The following TBC1D13 variants were observed in gnomAD, a reference collection of about 807,000 sequenced individuals.
TBC1D13 encodes TBC1 domain family member 13.
Under a neutral mutation model 53.6 loss-of-function variants are expected in TBC1D13, and 40 were observed. The observed-to-expected ratio is 0.75, with a 90% CI of 0.58 to 0.97. TBC1D13 has a LOEUF of 0.97. Ranked by LOEUF, TBC1D13 falls within the 50% of genes least tolerant of loss-of-function variation. The pLI, the probability that TBC1D13 is intolerant of heterozygous loss-of-function variation, is 0.00. For missense variants in TBC1D13, 377 were observed against 499.4 expected (o/e 0.75, Z 2.34); for synonymous variants, 182 against 197.7 (o/e 0.92, Z 0.67).
chr9:128,791,164 A>T (rs1321369371), intron 3 of TBC1D13, among the ~76,000 whole-genome samples: 3 of 152,104 alleles, frequency 2.0e-5, no homozygotes, highest in Non-Finnish European at 2.9e-5. Context: ...TGTGAGGAAA[A>T]GCAGAGGGAA....
intron 6 of TBC1D13, among the ~76,000 whole-genome samples, chr9:128,795,794 T>A (rs911754080): frequency 1.1e-4 from 16 of 151,928 alleles, no homozygotes; most frequent in African/African-American, 3.9e-4. Flanking sequence ...GGTCTCCTTT[T>A]GTTGCCCAGG....
At chr9:128,797,665 T>C (rs1829660145) in intron 7 of TBC1D13, among the ~76,000 whole-genome samples, 1 of 152,030 alleles carries the variant, frequency 6.6e-6, no homozygotes, top group African/African-American at 2.4e-5. Context: ...TAGCTGGGCA[T>C]GATGGCATGT....
At chr9:128,791,756 C>CA in intron 5 of TBC1D13, 63 bp downstream of exon 5, 7 of 1,445,480 alleles carry the variant, frequency 4.8e-6, no homozygotes, top group Non-Finnish European at 6.8e-6. Context: ...GGCCTTGGAG[C>CA]AGGCAAGGGC....
chr9:128,800,606 A>C (rs1372436419), intron 7 of TBC1D13, among the ~76,000 whole-genome samples: 1 of 151,600 alleles, frequency 6.6e-6, no homozygotes, highest in Non-Finnish European at 1.5e-5. Context: ...TGATCCACCC[A>C]CCTCAGTTTC....
At chr9:128,804,145 G>A (rs2132551574) in intron 9 of TBC1D13, 26 bp downstream of exon 9, 2 of 1,610,958 alleles carry the variant, frequency 1.2e-6, no homozygotes, top group East Asian at 4.5e-5. Context: ...ACAGACGGGT[G>A]GAAAGGGACA....
chr9:128,787,480 C>A, intron 1 of TBC1D13, 104 bp downstream of exon 1: 2 of 1,165,684 alleles, frequency 1.7e-6, no homozygotes, highest in Non-Finnish European at 2.2e-6. Context: ...ATCGGCAGAC[C>A]CCCTCGGCAG....
At position 128,798,405 on chromosome 9, in the gene TBC1D13, C is replaced by G. The variant is rs146613763; in HGVS notation, c.543+1191C>G. ...GAAGAGGTTGGTGCTGGTAAGGCCA[C>G]TTGGGGCCTTTGTCATGAGGGGTGG... On this transcript the variant is annotated intron_variant, in intron 7 of 11. Transcript: ENST00000372648. 6.0e-4 allele frequency among the ~76,000 whole-genome samples: 92 copies of G among 152,174 alleles called. 1 individual carries two copies. The highest frequency in any genetic ancestry group is 2.2e-3 in the African/African-American group (91 of 41,516).
intron 7 of TBC1D13, among the ~76,000 whole-genome samples, chr9:128,799,230 G>C (rs947114438): frequency 6.6e-6 from 1 of 152,150 alleles, no homozygotes; most frequent in African/African-American, 2.4e-5. Flanking sequence ...TCCTTTCACT[G>C]TAGTAACTAG....
rs140352913 is a variant in TBC1D13 at position 128,790,751 on chromosome 9, C to T, written c.114C>T (p.Gly38=). 60 of 1,551,330 alleles carry T rather than the reference C, an allele frequency of 3.9e-5. No homozygotes were observed. The East Asian group carries it at 8.7e-4, about 23-fold the overall frequency. Reference sequence around the variant, plus strand: ...TGTCCACAGGCATCCCCTGTGAGGGCGGACTGCGGTGCCTCTGCTGGAAGG... The same window carrying T: ...TGTCCACAGGCATCCCCTGTGAGGGTGGACTGCGGTGCCTCTGCTGGAAGG... The part of the protein sequence containing the change: ...ELSFSGIPCE[G]GLRCLCWKIL... The change falls in exon 3 of 12, where the codon GGC becomes GGT. Residue 38 remains glycine (G), a synonymous_variant. Transcript: ENST00000372648.
In TBC1D13 at chr9:128,801,120, C is replaced by T. The variant is rs561028091; in HGVS notation, c.544-2130C>T. 1.5e-4 allele frequency among the ~76,000 whole-genome samples: 23 copies of T among 152,120 alleles called. 1 individual carries two copies. Among genetic ancestry groups the T allele is most frequent in the African/African-American group, 5.1e-4 (21 of 41,522 alleles). ...CCTAGGAGACAGAGTTGCAGTGAGC[C>T]AAGATCACTCCATTGCACTCCAGCC... On this transcript the variant is annotated intron_variant, in intron 7 of 11. Coordinates refer to ENST00000372648, the MANE Select transcript of TBC1D13 (RefSeq NM_018201.5).
chr9:128,790,816 C>A, intron 3 of TBC1D13, 41 bp downstream of exon 3: 1 of 1,552,008 alleles, frequency 6.4e-7, no homozygotes, highest in Non-Finnish European at 8.6e-7. Flanking sequence ...TGCTGAGAGT[C>A]CCTGGGTTTT....
chr9:128,807,751 G>C (rs1424834290), intron 11 of TBC1D13, 63 bp from the exon 12 acceptor site: 2 of 1,544,386 alleles, frequency 1.3e-6, no homozygotes, highest in African/African-American at 2.7e-5. Context: ...CAGCAGGGAG[G>C]GTGTGGGTGT....
At chr9:128,788,080 T>C (rs1285679525) in intron 1 of TBC1D13, among the ~76,000 whole-genome samples, 1 of 152,248 alleles carries the variant, frequency 6.6e-6, no homozygotes, top group East Asian at 1.9e-4. Context: ...ATTTGGGAAC[T>C]TCTAGACAAG....
intron 7 of TBC1D13, among the ~76,000 whole-genome samples, chr9:128,800,849 G>A (rs1164388933): frequency 6.6e-6 from 1 of 151,964 alleles, no homozygotes; most frequent in Non-Finnish European, 1.5e-5. Flanking sequence ...CGAGTACTTC[G>A]GTAGGATCTC....
intron 6 of TBC1D13, among the ~76,000 whole-genome samples, chr9:128,795,740 G>A (rs1426007502): frequency 1.3e-5 from 2 of 151,984 alleles, no homozygotes; most frequent in South Asian, 4.2e-4. Context: ...GATTACAGGC[G>A]TAAGCCACCG....
At chr9:128,790,481 G>A (rs1365110103) in intron 2 of TBC1D13, among the ~76,000 whole-genome samples, 2 of 152,170 alleles carry the variant, frequency 1.3e-5, no homozygotes, top group African/African-American at 4.8e-5. Context: ...GGCTGAGGCT[G>A]GAGAATCGCT....
At chr9:128,800,901 C>T (rs1326175497) in intron 7 of TBC1D13, among the ~76,000 whole-genome samples, 6 of 152,148 alleles carry the variant, frequency 3.9e-5, no homozygotes, top group Non-Finnish European at 8.8e-5. Flanking sequence ...GTGGCTCACA[C>T]CTGTAATCCC....
At chr9:128,791,869 A>C (rs1371831482) in intron 5 of TBC1D13, among the ~76,000 whole-genome samples, 176 bp downstream of exon 5, 2 of 152,184 alleles carry the variant, frequency 1.3e-5, no homozygotes, top group Non-Finnish European at 2.9e-5. Flanking sequence ...CCCTGGGCTC[A>C]GTAAGACAAA....
chr9:128,809,923 AC>A lies in TBC1D13; in HGVS notation c.*2048del, dbSNP rs1385493725. On this transcript the variant is annotated 3_prime_UTR_variant, in exon 12 of 12. Coordinates refer to ENST00000372648, the MANE Select transcript of TBC1D13 (RefSeq NM_018201.5). ...AGCTGGTGGTTCAGCCCCTTCTCCA[AC>A]CCCTTCATAAGCTTGGGCCACTGCC... The A allele has an allele frequency of 2.0e-5, 3 of 152,222 alleles. No homozygotes were observed. The highest frequency in any genetic ancestry group is 7.3e-5 in the African/African-American group (3 of 41,282). The allele number at this position is 152,222 out of a possible 1,614,324, so 9.4% of individuals were successfully genotyped here. A position where few individuals can be genotyped will look rare whatever the true frequency, so the allele number is the denominator to read the frequency against.
Sources: gnomAD v4.1 joint callset for allele counts (sites outside exome capture counted in the v4.1 genomes callset) on GRCh38, gnomAD v4.1.1 for gene constraint, MANE v1.5 for transcripts, NCBI Gene and HGNC (gene_info 2026-07-23, HGNC 2026-07-21) for gene names.